ABHD3: variants seen among roughly 807,000 people sequenced by gnomAD.
ABHD3 encodes the protein abhydrolase domain containing 3, phospholipase, also known as phospholipase ABHD3.
ABHD3 carries 46 observed loss-of-function variants against 48.8 expected under a neutral mutation model. That is an observed-to-expected ratio of 0.94 (90% CI 0.74 to 1.20). The LOEUF is 1.20. Among genes scored for constraint, ABHD3 ranks in the 50% most tolerant of loss-of-function variants. ABHD3 has a pLI of 0.00. For missense variants in ABHD3, 490 were observed against 497.8 expected, an observed-to-expected ratio of 0.98 and a Z score of 0.15; for synonymous variants, 192 against 183.7, an observed-to-expected ratio of 1.04 and a Z score of -0.36.
intron 4 of ABHD3, among the ~76,000 whole-genome samples, chr18:21,675,633 G>A (rs370454746): frequency 6.6e-6 from 1 of 152,040 alleles, no homozygotes; most frequent in African/African-American, 2.4e-5. Flanking sequence ...CATTCAAAAT[G>A]CCAGTTCAGG....
At chr18:21,665,797 G>A (rs1453376410) in intron 4 of ABHD3, among the ~76,000 whole-genome samples, 1 of 149,984 alleles carries the variant, frequency 6.7e-6, no homozygotes, top group Non-Finnish European at 1.5e-5. Context: ...GGGTGACAGA[G>A]TGAGACTCCA....
rs952000932 is a variant in ABHD3 at position 21,651,003 on chromosome 18, A to C, written c.*588T>G. 1 of 149,574 alleles carries C rather than the reference A, an allele frequency of 6.7e-6. No individual in the cohort carries two copies. The highest frequency in any genetic ancestry group is 2.4e-5 in the African/African-American group (1 of 41,234). 9.3% of individuals were successfully genotyped at this position (149,574 alleles called of 1,614,324 possible). A position where few individuals can be genotyped will look rare whatever the true frequency, so the allele number is the denominator to read the frequency against. On this transcript the variant is annotated 3_prime_UTR_variant, in exon 9 of 9. Transcript: ENST00000289119. ...TTATAATCATTATAAAACATAAGTT[A>C]GTCCTAATTTAATATTATCAGAGTA...
chr18:21,681,783 T>C (rs542107969), intron 4 of ABHD3, among the ~76,000 whole-genome samples: 1 of 152,268 alleles, frequency 6.6e-6, no homozygotes, highest in East Asian at 1.9e-4. Context: ...CCTGGCTCTG[T>C]CATTTGTTGG....
At chr18:21,684,790 A>G (rs1205502767) in intron 3 of ABHD3, among the ~76,000 whole-genome samples, 2 of 152,176 alleles carry the variant, frequency 1.3e-5, no homozygotes, top group Non-Finnish European at 2.9e-5. Context: ...GTGAGCCACA[A>G]AGAGCCTGGC....
Position 21,651,767 on chromosome 18 carries a change from C to A in ABHD3, c.1058-4G>T. On this transcript the variant is annotated splice_polypyrimidine_tract_variant and splice_region_variant and intron_variant, in intron 8 of 8. Coordinates refer to ENST00000289119, the MANE Select transcript of ABHD3 (RefSeq NM_138340.5). Reference sequence around the variant, plus strand: ...TTAGCAGTTTCTATTGGAATAGCTTCAGACCAAAAAAAACATGGCAATAAG... The same window carrying A: ...TTAGCAGTTTCTATTGGAATAGCTTAAGACCAAAAAAAACATGGCAATAAG... 2.7e-6 allele frequency: 4 copies of A among 1,507,268 alleles called. No homozygotes were observed. Among genetic ancestry groups the A allele is most frequent in the Admixed American group, 2.3e-5 (1 of 43,436 alleles). The allele number at this position is 1,507,268 out of a possible 1,614,324, so 93.4% of individuals were successfully genotyped here.
At chr18:21,702,228 A>C (rs2040528483) in intron 3 of ABHD3, 88 bp downstream of exon 3, 1 of 1,202,386 alleles carries the variant, frequency 8.3e-7, no homozygotes, top group Non-Finnish European at 1.1e-6. Flanking sequence ...TGCAAGAAGT[A>C]CTAAGTATTT....
At chr18:21,684,085 G>A in intron 3 of ABHD3, 120 bp from the exon 4 acceptor site, 1 of 872,808 alleles carries the variant, frequency 1.1e-6, no homozygotes, top group Non-Finnish European at 1.7e-6. Flanking sequence ...AATCTGTCTT[G>A]TAGTTGTAAT....
rs747445817 is a variant in ABHD3, at chr18:21,664,139, G to T, written c.647C>A (p.Ala216Glu). 4 of 1,612,202 alleles carry T rather than the reference G, an allele frequency of 2.5e-6. No homozygotes were observed. Among genetic ancestry groups the T allele is most frequent in the Admixed American group, 3.4e-5 (2 of 59,394 alleles). ...TTACCCTCCCATTGAAACCCCTGCT[G>T]CCAGGAAAGGAGCAGAAGGGTACAG... ...HSLYPSAPFLAAGVSMGGMLL... is the reference protein window; with the variant it reads ...HSLYPSAPFLEAGVSMGGMLL... The change falls in exon 5 of 9, where the codon GCA becomes GAA. Residue 216 changes from alanine to glutamate, a missense_variant. Coordinates refer to ENST00000289119, the MANE Select transcript of ABHD3 (RefSeq NM_138340.5).
At chr18:21,659,094 C>T in intron 6 of ABHD3, 76 bp downstream of exon 6, 1 of 1,437,572 alleles carries the variant, frequency 7.0e-7, no homozygotes, top group Non-Finnish European at 9.4e-7. Context: ...CCGCCTCAGC[C>T]TCCCAAAGTG....
intron 4 of ABHD3, among the ~76,000 whole-genome samples, chr18:21,673,266 G>A (rs1300713824): frequency 6.6e-6 from 1 of 152,104 alleles, no homozygotes; most frequent in African/African-American, 2.4e-5. Flanking sequence ...TTGACCAAAT[G>A]AATCAGAATC....
At chr18:21,702,288 TG>T (rs779409277) in intron 3 of ABHD3, 27 bp downstream of exon 3, 12 of 1,524,206 alleles carry the variant, frequency 7.9e-6, no homozygotes, top group Admixed American at 4.1e-5. Context: ...ATGGATCAAG[TG>T]AAAAAAAAGA....
intron 1 of ABHD3, 78 bp downstream of exon 1, chr18:21,704,426 G>C: frequency 8.0e-7 from 1 of 1,242,430 alleles, no homozygotes; most frequent in Non-Finnish European, 1.0e-6. Context: ...ACCGCCCCTG[G>C]CCGCGCAGCC....
intron 5 of ABHD3, among the ~76,000 whole-genome samples, chr18:21,659,950 G>A (rs1018768067): frequency 6.9e-6 from 1 of 144,914 alleles, no homozygotes; most frequent in Non-Finnish European, 1.5e-5. Context: ...GATTACAGCC[G>A]TTGCACCCGG....
Position 21,704,622 on chromosome 18 carries a change from A to G in ABHD3, c.44T>C (p.Leu15Pro). 1.3e-6 allele frequency: 2 copies of G among 1,549,104 alleles called. No homozygotes were observed. The highest frequency in any genetic ancestry group is 2.4e-5 in the South Asian group (2 of 83,652). Residue 15 changes from leucine to proline, a missense_variant, in exon 1 of 9, where the codon CTC becomes CCC. Physicochemically the swap from Leu to Pro is moderately conservative, Grantham distance 98. Coordinates refer to ENST00000289119, the MANE Select transcript of ABHD3 (RefSeq NM_138340.5). ...AMDLRMLSRE[L>P]SLYLEHQVRV... ...GACTTGGTGTTCCAGGTAGAGGGAG[A>G]GCTCCCGGGACAACATCCGCAGGTC...
chr18:21,661,509 T>TA (rs1317449548), intron 5 of ABHD3, among the ~76,000 whole-genome samples: 1 of 151,758 alleles, frequency 6.6e-6, no homozygotes, highest in Non-Finnish European at 1.5e-5. Flanking sequence ...TGGGCGCCCG[T>TA]AATCCTAGCT....
intron 4 of ABHD3, among the ~76,000 whole-genome samples, chr18:21,680,217 T>C (rs1294440585): frequency 6.6e-6 from 1 of 151,812 alleles, no homozygotes; most frequent in Non-Finnish European, 1.5e-5. Context: ...GGTTTCACCA[T>C]ATTGGCCACG....
intron 5 of ABHD3, among the ~76,000 whole-genome samples, chr18:21,662,843 A>G (rs1455196532): frequency 6.6e-6 from 1 of 152,210 alleles, no homozygotes; most frequent in Middle Eastern, 3.2e-3. Flanking sequence ...TCCCAGGAGC[A>G]TTGAATAGAG....
chr18:21,668,200 C>CAAAAAAAAAAAAAA (rs747590942), intron 4 of ABHD3, among the ~76,000 whole-genome samples: 4 of 61,340 alleles, frequency 6.5e-5, no homozygotes, highest in African/African-American at 2.3e-4. Flanking sequence ...GAATCTATCT[C>CAAAAAAAAAAAAAA]AAAAAAAAAA....
Position 21,704,598 on chromosome 18 carries a change from A to C in ABHD3, c.68T>G (p.Val23Gly). Reference sequence around the variant, plus strand: ...CCCCGAGCCGAAGAACCCCACCCGGACTTGGTGTTCCAGGTAGAGGGAGAG... The same window carrying C: ...CCCCGAGCCGAAGAACCCCACCCGGCCTTGGTGTTCCAGGTAGAGGGAGAG... ...RELSLYLEHQ[V>G]RVGFFGSGVG... Residue 23 changes from valine to glycine, a missense_variant, in exon 1 of 9, where the codon GTC (valine) becomes GGC (glycine). By Grantham distance (109) the Val-to-Gly change is moderately radical. Coordinates refer to ENST00000289119, the MANE Select transcript of ABHD3 (RefSeq NM_138340.5). 2 of 1,554,864 alleles carry C rather than the reference A, an allele frequency of 1.3e-6. No homozygotes were observed. Among genetic ancestry groups the C allele is most frequent in the Non-Finnish European group, 1.7e-6 (2 of 1,153,214 alleles).
Sources: gnomAD v4.1 joint callset for allele counts (sites outside exome capture counted in the v4.1 genomes callset) on GRCh38, gnomAD v4.1.1 for gene constraint, MANE v1.5 for transcripts, NCBI Gene and HGNC (gene_info 2026-07-23, HGNC 2026-07-21) for gene names.